The following EDA variants were observed in gnomAD, a reference collection of about 807,000 sequenced individuals.
The protein encoded by EDA is ectodysplasin-A.
Under a neutral mutation model 23.6 loss-of-function variants are expected in EDA, and 2 were observed. The observed-to-expected ratio is 0.08, with a 90% CI of 0.03 to 0.27. The LOEUF (loss-of-function observed/expected upper bound fraction) is 0.27, where lower values mean the gene tolerates loss of function less well. Ranked by LOEUF, EDA falls within the 10% of genes least tolerant of loss-of-function variation. The pLI is 1.00. For synonymous variants in EDA, 131 were observed against 132.0 expected (o/e 0.99, Z 0.05); for missense variants, 229 against 324.2 (o/e 0.71, Z 2.26).
At chrX:69,654,641 T>G (rs1186994843) in intron 1 of EDA, among the ~76,000 whole-genome samples, 1 of 111,328 alleles carries the variant, frequency 9.0e-6, no homozygotes, top group African/African-American at 3.3e-5. Flanking sequence ...GTTCATGTCC[T>G]TTGTAGGGAC....
intron 2 of EDA, among the ~76,000 whole-genome samples, chrX:69,961,995 T>G: frequency 8.9e-6 from 1 of 112,096 alleles, no homozygotes; most frequent in Non-Finnish European, 1.9e-5. Context: ...TATTTTCTAG[T>G]TAGAATGAAA....
chrX:69,845,473 A>T (rs777489512), intron 1 of EDA, among the ~76,000 whole-genome samples: 4 of 112,138 alleles, frequency 3.6e-5, no homozygotes, highest in Non-Finnish European at 7.5e-5. Context: ...TGGCATCCTA[A>T]TGAGGAAGGA....
At chrX:69,945,060 G>A (rs1224816421) in intron 1 of EDA, among the ~76,000 whole-genome samples, 1 of 112,310 alleles carries the variant, frequency 8.9e-6, no homozygotes, top group Non-Finnish European at 1.9e-5. Flanking sequence ...GTGAGAGGTG[G>A]CATAGGTGGT....
chrX:69,757,396 G>A (rs757772744), intron 1 of EDA, among the ~76,000 whole-genome samples: 24 of 111,722 alleles, frequency 2.1e-4, no homozygotes, highest in Non-Finnish European at 3.6e-4. Context: ...TAATTCCAAG[G>A]TTAAGCATTA....
intron 1 of EDA, among the ~76,000 whole-genome samples, chrX:69,936,012 A>T (rs1287722879): frequency 1.9e-5 from 2 of 106,756 alleles, no homozygotes; most frequent in Non-Finnish European, 3.8e-5. Context: ...ATATGAGTAC[A>T]TTATATATAT....
chrX:69,678,991 G>T (rs1448176728), intron 1 of EDA, among the ~76,000 whole-genome samples: 1 of 93,063 alleles, frequency 1.1e-5, no homozygotes, highest in Non-Finnish European at 2.1e-5. Context: ...TTTGAAATAC[G>T]TCCCATCAAT....
chrX:69,683,667 T>A (rs891647678), intron 1 of EDA, among the ~76,000 whole-genome samples: 2 of 111,417 alleles, frequency 1.8e-5, no homozygotes, highest in Non-Finnish European at 3.8e-5. Context: ...TCTTACTCAT[T>A]TTATATCCCT....
chrX:69,636,950 C>G (rs948112035), intron 1 of EDA, among the ~76,000 whole-genome samples: 3 of 110,878 alleles, frequency 2.7e-5, no homozygotes, highest in African/African-American at 9.8e-5. Flanking sequence ...GCAGGACAAG[C>G]AAAATTTTCA....
intron 4 of EDA, 55 bp downstream of exon 4, chrX:70,028,091 G>A (rs1478092823): frequency 3.4e-6 from 4 of 1,172,703 alleles, no homozygotes; most frequent in East Asian, 3.2e-5. Flanking sequence ...CTTTAGGAGA[G>A]CAGGAGTGGG....
At chrX:70,009,293 C>T (rs6525347) in intron 2 of EDA, among the ~76,000 whole-genome samples, 34,681 of 109,973 alleles carry the variant, frequency 0.32, 4,590 homozygotes, top group African/African-American at 0.51. Context: ...TTTATTACTT[C>T]CTTTCTTCTG....
At chrX:69,988,621 C>T (rs1174776492) in intron 2 of EDA, among the ~76,000 whole-genome samples, 1 of 111,659 alleles carries the variant, frequency 9.0e-6, no homozygotes, top group East Asian at 2.8e-4. Context: ...TTTGGGAGGC[C>T]GAGGCGGGTG....
intron 1 of EDA, among the ~76,000 whole-genome samples, chrX:69,955,746 G>A (rs1170977285): frequency 9.0e-6 from 1 of 111,636 alleles, no homozygotes; most frequent in East Asian, 2.8e-4. Context: ...TGTTTTATCT[G>A]CAAAGTACTA....
At chrX:69,809,695 G>A (rs1005031503) in intron 1 of EDA, among the ~76,000 whole-genome samples, 2 of 111,254 alleles carry the variant, frequency 1.8e-5, no homozygotes, top group African/African-American at 6.5e-5. Context: ...AGTATAAGAG[G>A]TACTTTGTTT....
chrX:69,723,086 A>G (rs1280898262), intron 1 of EDA, among the ~76,000 whole-genome samples: 2 of 112,134 alleles, frequency 1.8e-5, no homozygotes, highest in South Asian at 7.4e-4. Context: ...GCTTATATAA[A>G]TTAAAGTTCT....
intron 2 of EDA, among the ~76,000 whole-genome samples, chrX:69,970,851 G>A (rs1006669376): frequency 1.8e-5 from 2 of 111,740 alleles, no homozygotes; most frequent in African/African-American, 6.5e-5. Context: ...AGGAAGCAAG[G>A]TGTTAAACTG....
chrX:69,933,319 TC>T (rs997879278), intron 1 of EDA, among the ~76,000 whole-genome samples: 2 of 112,232 alleles, frequency 1.8e-5, no homozygotes, highest in Non-Finnish European at 1.9e-5. Context: ...CTTGTTTTTT[TC>T]TGGATTTTCT....
chrX:69,848,211 T>A (rs1206140635), intron 1 of EDA, among the ~76,000 whole-genome samples: 1 of 112,055 alleles, frequency 8.9e-6, no homozygotes, highest in East Asian at 2.8e-4. Context: ...AAATGTAGCT[T>A]CATGAAAAGT....
At chrX:69,619,939 A>G (rs144092333) in intron 1 of EDA, among the ~76,000 whole-genome samples, 81 of 111,836 alleles carry the variant, frequency 7.2e-4, no homozygotes, top group African/African-American at 2.5e-3. Context: ...CTACAATCAG[A>G]CAGGAAATTC....
At chrX:70,020,874 A>G (rs1446687060) in intron 2 of EDA, among the ~76,000 whole-genome samples, 1 of 112,092 alleles carries the variant, frequency 8.9e-6, no homozygotes, top group Non-Finnish European at 1.9e-5. Flanking sequence ...TACATAGAAG[A>G]CTTCTAGATG....
Sources: allele counts gnomAD v4.1 joint callset (sites outside exome capture counted in the v4.1 genomes callset), GRCh38; gene constraint gnomAD v4.1.1; transcripts MANE v1.5; gene names NCBI Gene and HGNC (gene_info 2026-07-23, HGNC 2026-07-21).